TMEM132D: variants seen among roughly 807,000 people sequenced by gnomAD.
The protein encoded by TMEM132D is transmembrane protein 132D.
A neutral mutation model predicts 62.3 loss-of-function variants in TMEM132D; 21 were observed. The observed-to-expected ratio is 0.34, with a 90% CI of 0.24 to 0.49. The LOEUF (loss-of-function observed/expected upper bound fraction) is 0.49, where lower values mean the gene tolerates loss of function less well. TMEM132D is among the 20% of genes least tolerant of loss of function. The pLI is 0.99. For synonymous variants in TMEM132D, 621 were observed against 575.6 expected (o/e 1.08, Z -1.13); for missense variants, 1,346 against 1,402.8 (o/e 0.96, Z 0.65).
At chr12:129,805,194 T>C (rs1291101535) in intron 1 of TMEM132D, among the ~76,000 whole-genome samples, 2 of 151,906 alleles carry the variant, frequency 1.3e-5, no homozygotes, top group African/African-American at 4.8e-5. Context: ...AAAACTACTT[T>C]AAAGTTCATA....
Position 129,741,403 on chromosome 12 carries a change from T to G in TMEM132D, c.80-40705A>C, listed in dbSNP as rs142232920. Among the ~76,000 whole-genome samples the G allele has an allele frequency of 1.5e-3, 226 of 152,304 alleles. 1 individual carries two copies. The highest frequency in any genetic ancestry group is 5.1e-3 in the African/African-American group (210 of 41,548). On this transcript the variant is annotated intron_variant, in intron 1 of 8. Coordinates refer to ENST00000422113, the MANE Select transcript of TMEM132D (RefSeq NM_133448.3). ...ACACATTGTTTATTAGTCTTCAATA[T>G]GTAGAAGCTATTATTATAGAACAAT...
At chr12:129,760,323 C>CTTTTTTTTTTTTTTTTTTTT (rs71082753) in intron 1 of TMEM132D, among the ~76,000 whole-genome samples, 2 of 115,494 alleles carry the variant, frequency 1.7e-5, no homozygotes, top group African/African-American at 7.2e-5. Flanking sequence ...AAGCCACTTT[C>CTTTTTTTTTTTTTTTTTTTT]TTTTTTTTTT....
intron 5 of TMEM132D, among the ~76,000 whole-genome samples, chr12:129,133,796 G>A (rs1046734897): frequency 2.1e-4 from 32 of 152,206 alleles, no homozygotes; most frequent in African/African-American, 6.5e-4. Context: ...CCTTGTACGC[G>A]CCAATTAGGT....
intron 5 of TMEM132D, among the ~76,000 whole-genome samples, chr12:129,186,701 G>A (rs1878231322): frequency 6.6e-6 from 1 of 152,132 alleles, no homozygotes; most frequent in East Asian, 1.9e-4. Flanking sequence ...AAGATGAAAT[G>A]AGCTAATACA....
At chr12:129,220,447 G>A (rs1879317626) in intron 4 of TMEM132D, among the ~76,000 whole-genome samples, 1 of 152,192 alleles carries the variant, frequency 6.6e-6, no homozygotes. Flanking sequence ...AGGAAAATCT[G>A]AGCCAAGTAG....
intron 5 of TMEM132D, among the ~76,000 whole-genome samples, chr12:129,206,377 A>T (rs1418360212): frequency 6.6e-6 from 1 of 152,252 alleles, no homozygotes; most frequent in Non-Finnish European, 1.5e-5. Flanking sequence ...ATCATTTGAG[A>T]AATGCAAATC....
chr12:129,588,697 C>T (rs1217452470), intron 2 of TMEM132D, among the ~76,000 whole-genome samples: 3 of 150,676 alleles, frequency 2.0e-5, no homozygotes, highest in Non-Finnish European at 4.4e-5. Context: ...GTTTCAGCTT[C>T]CCAAGTAGCT....
At chr12:129,445,526 C>T (rs1873072144) in intron 3 of TMEM132D, among the ~76,000 whole-genome samples, 1 of 152,086 alleles carries the variant, frequency 6.6e-6, no homozygotes, top group Non-Finnish European at 1.5e-5. Context: ...CTTTTCACTG[C>T]CTTGTCTGTT....
rs1025029521 is a variant in TMEM132D at position 129,827,792 on chromosome 12, G to C, written c.79+75469C>G. Among the ~76,000 whole-genome samples the C allele has an allele frequency of 1.9e-4, 29 of 152,188 alleles. No individual in the cohort carries two copies. The highest frequency in any genetic ancestry group is 7.0e-4 in the African/African-American group (29 of 41,532). On this transcript the variant is annotated intron_variant, in intron 1 of 8. Coordinates refer to ENST00000422113, the MANE Select transcript of TMEM132D (RefSeq NM_133448.3). This position sits in a 1 kb window ranked among gnomAD's most constrained non-coding sequence, Gnocchi z 9.7. ...CGAGCTAACAGATGCAAAGTGCTTGGAATTATGTTTTTAATGTGAGTATGG... is the reference window on the plus strand; with the variant it reads ...CGAGCTAACAGATGCAAAGTGCTTGCAATTATGTTTTTAATGTGAGTATGG...
chr12:129,147,187 C>A (rs1876923973), intron 5 of TMEM132D, among the ~76,000 whole-genome samples: 2 of 149,936 alleles, frequency 1.3e-5, no homozygotes, highest in African/African-American at 4.9e-5. Flanking sequence ...TATATATACA[C>A]ATATATATTT....
intron 1 of TMEM132D, among the ~76,000 whole-genome samples, chr12:129,752,305 A>G (rs1454638937): frequency 6.6e-6 from 1 of 152,232 alleles, no homozygotes; most frequent in East Asian, 1.9e-4. Flanking sequence ...ATACAAATGT[A>G]AAAAACTCCA....
intron 4 of TMEM132D, among the ~76,000 whole-genome samples, chr12:129,243,733 A>T (rs889523521): frequency 6.6e-6 from 1 of 152,186 alleles, no homozygotes; most frequent in Non-Finnish European, 1.5e-5. Flanking sequence ...AGTAAATTAG[A>T]TTCTTTAATG....
intron 2 of TMEM132D, among the ~76,000 whole-genome samples, chr12:129,653,105 AC>A (rs1407787246): frequency 1.3e-5 from 2 of 152,180 alleles, no homozygotes; most frequent in Non-Finnish European, 2.9e-5. Flanking sequence ...AGCTAGCCCA[AC>A]CGTGTGAAGG....
At chr12:129,893,111 G>A (rs754453511) in intron 1 of TMEM132D, among the ~76,000 whole-genome samples, 18 of 152,136 alleles carry the variant, frequency 1.2e-4, no homozygotes, top group Middle Eastern at 3.4e-3. Flanking sequence ...TCTTGACCTC[G>A]TGATCCGCCT....
At chr12:129,809,697 CAG>C (rs565647923) in intron 1 of TMEM132D, among the ~76,000 whole-genome samples, 75 of 152,134 alleles carry the variant, frequency 4.9e-4, no homozygotes, top group South Asian at 2.3e-3. Context: ...TTTTTTAAAA[CAG>C]AGAGTTCTTT....
At chr12:129,778,249 GCC>G (rs1871009585) in intron 1 of TMEM132D, among the ~76,000 whole-genome samples, 1 of 148,978 alleles carries the variant, frequency 6.7e-6, no homozygotes, top group Non-Finnish European at 1.5e-5. Flanking sequence ...ACCAGAAATT[GCC>G]CCCTTTAAAT....
At chr12:129,895,980 T>G (rs1232160179) in intron 1 of TMEM132D, among the ~76,000 whole-genome samples, 1 of 149,888 alleles carries the variant, frequency 6.7e-6, no homozygotes, top group Non-Finnish European at 1.5e-5. Context: ...TTTTTTTTTT[T>G]TTTGTTTGGA....
chr12:129,561,771 T>C (rs1877240820), intron 2 of TMEM132D, among the ~76,000 whole-genome samples: 1 of 152,186 alleles, frequency 6.6e-6, no homozygotes, highest in South Asian at 2.1e-4. Context: ...AGATAAGAAA[T>C]CAGCCCTCAT....
At position 129,256,490 on chromosome 12, in the gene TMEM132D, G is replaced by T. The variant is rs142765582; in HGVS notation, c.1300-46827C>A. 5.6e-3 allele frequency among the ~76,000 whole-genome samples: 856 copies of T among 151,784 alleles called. 6 individuals carry two copies. Among genetic ancestry groups the T allele is most frequent in the African/African-American group, 0.02 (821 of 41,370 alleles). ...GGCTGGAGTGCAGTGGCACAATCTC[G>T]GCTCATGGCAACCTCCGCCTCCCAG... On this transcript the variant is annotated intron_variant, in intron 4 of 8. Coordinates refer to ENST00000422113, the MANE Select transcript of TMEM132D (RefSeq NM_133448.3).
Sources: allele counts gnomAD v4.1 joint callset (sites outside exome capture counted in the v4.1 genomes callset), GRCh38; gene constraint gnomAD v4.1.1; non-coding constraint Gnocchi (gnomAD v3.1); transcripts MANE v1.5; gene names NCBI Gene and HGNC (gene_info 2026-07-23, HGNC 2026-07-21).